The following CIDEA variants were observed in gnomAD, a reference collection of about 807,000 sequenced individuals.
CIDEA encodes lipid transferase CIDEA.
CIDEA carries 10 observed loss-of-function variants against 18.2 expected under a neutral mutation model. The observed-to-expected ratio is 0.55, with a 90% confidence interval of 0.34 to 0.93. CIDEA has a LOEUF of 0.93. Ranked by LOEUF, CIDEA falls within the 40% of genes least tolerant of loss-of-function variation. The pLI is 0.02. For synonymous variants in CIDEA, 128 were observed against 124.8 expected, an observed-to-expected ratio of 1.03 and a Z score of -0.17; for missense variants, 309 against 293.1, an observed-to-expected ratio of 1.05 and a Z score of -0.40.
At chr18:12,261,978 G>A (rs1198396451) in intron 1 of CIDEA, among the ~76,000 whole-genome samples, 1 of 151,668 alleles carries the variant, frequency 6.6e-6, no homozygotes, top group Non-Finnish European at 1.5e-5. Flanking sequence ...GACCAGCCTG[G>A]GCAACAAAGT....
chr18:12,264,278 T>C (rs1351528107), intron 2 of CIDEA, 29 bp from the exon 3 acceptor site: 2 of 1,540,906 alleles, frequency 1.3e-6, no homozygotes, highest in South Asian at 1.2e-5. Context: ...CTGGCTTCAC[T>C]CCATTTCTCT....
intron 2 of CIDEA, chr18:12,263,572 G>A (rs1198000066): frequency 6.6e-6 from 1 of 152,244 alleles, no homozygotes; most frequent in African/African-American, 2.4e-5. Flanking sequence ...GTCACTAATG[G>A]AGAATGTTGC....
chr18:12,273,908 TTG>T (rs1358770283), intron 3 of CIDEA, among the ~76,000 whole-genome samples, 183 bp from the exon 4 acceptor site: 1 of 152,190 alleles, frequency 6.6e-6, no homozygotes, highest in Non-Finnish European at 1.5e-5. Flanking sequence ...TCGTGGCTAA[TTG>T]GACACAGTCG....
intron 3 of CIDEA, among the ~76,000 whole-genome samples, chr18:12,266,230 C>CA (rs202133963): frequency 0.013 from 1,949 of 151,220 alleles, 38 homozygotes; most frequent in African/African-American, 0.045. Context: ...GACCCTATAT[C>CA]AAAAAAAACA....
intron 3 of CIDEA, among the ~76,000 whole-genome samples, chr18:12,264,671 A>T (rs1912297970): frequency 6.6e-6 from 1 of 151,634 alleles, no homozygotes; most frequent in African/African-American, 2.4e-5. Flanking sequence ...CTCCTGCCTC[A>T]GCCTCCGGAG....
At chr18:12,272,120 G>C (rs950098170) in intron 3 of CIDEA, among the ~76,000 whole-genome samples, 10 of 129,858 alleles carry the variant, frequency 7.7e-5, no homozygotes, top group African/African-American at 2.8e-4. Context: ...GAGAGAAAAC[G>C]GCCTCAGCCT....
At chr18:12,263,017 A>G (rs1475940187) in intron 2 of CIDEA, 48 bp downstream of exon 2, 1 of 1,593,466 alleles carries the variant, frequency 6.3e-7, no homozygotes, top group Non-Finnish European at 8.6e-7. Context: ...GGTGCCCTGC[A>G]CTCACACAGG....
chr18:12,259,099 C>T (rs1912118693), intron 1 of CIDEA, among the ~76,000 whole-genome samples: 3 of 152,198 alleles, frequency 2.0e-5, no homozygotes, highest in Admixed American at 6.5e-5. Context: ...GTCCTGGGGC[C>T]GCGTTGGTGC....
At chr18:12,262,739 A>G (rs1912226894) in intron 1 of CIDEA, 86 bp from the exon 2 acceptor site, 1 of 1,278,732 alleles carries the variant, frequency 7.8e-7, no homozygotes, top group African/African-American at 1.5e-5. Context: ...AGATGCAAAT[A>G]TTAAAAATGC....
At chr18:12,272,379 A>C (rs1211008047) in intron 3 of CIDEA, among the ~76,000 whole-genome samples, 2 of 151,906 alleles carry the variant, frequency 1.3e-5, no homozygotes, top group East Asian at 3.9e-4. Flanking sequence ...TGCCTGGCTA[A>C]TTTTTGTATT....
chr18:12,257,773 G>A (rs1482651772), intron 1 of CIDEA, among the ~76,000 whole-genome samples: 1 of 152,210 alleles, frequency 6.6e-6, no homozygotes, highest in African/African-American at 2.4e-5. Flanking sequence ...ACAGGAATTA[G>A]GAGCGGCAGT....
At chr18:12,264,640 G>A (rs567836188) in intron 3 of CIDEA, among the ~76,000 whole-genome samples, 187 bp downstream of exon 3, 3 of 151,388 alleles carry the variant, frequency 2.0e-5, no homozygotes, top group Non-Finnish European at 4.4e-5. Context: ...TGCAAGCTCC[G>A]CCTCCCGGGT....
rs1306745773 is a variant in CIDEA, at chr18:12,262,879, G to T, written c.93G>T (p.Met31Ile). The T allele has an allele frequency of 6.2e-7, 1 of 1,614,178 alleles. No individual in the cohort carries two copies. Among genetic ancestry groups the T allele is most frequent in the Admixed American group, 1.7e-5 (1 of 60,016 alleles). The change falls in exon 2 of 5, where the codon ATG (methionine) becomes ATT (isoleucine). Residue 31 changes from methionine (M) to isoleucine (I), a missense_variant. Transcript: ENST00000320477. ...AGCGAGTCCTGTTCACCCCGCTCAT[G>T]CATCCAGCTCGCCCTTTCCGGGTCT... ...QTKRVLFTPL[M>I]HPARPFRVSN...
At chr18:12,272,149 T>TGGGGGG (rs1376535544) in intron 3 of CIDEA, among the ~76,000 whole-genome samples, 5 of 7,488 alleles carry the variant, frequency 6.7e-4, no homozygotes, top group African/African-American at 2.0e-3. Flanking sequence ...AGTGTGTGTG[T>TGGGGGG]GGGGGGGGGG....
intron 1 of CIDEA, among the ~76,000 whole-genome samples, chr18:12,257,208 G>A (rs553898508): frequency 2.0e-5 from 3 of 152,184 alleles, no homozygotes; most frequent in African/African-American, 4.8e-5. Context: ...GACAGTGCTC[G>A]GTTGGCTTCT....
rs905582847 is a variant in CIDEA, at chr18:12,267,308, G to A, written c.330+2855G>A. ...AATCATGTACCCTTGCAGCACACAC[G>A]TGTGCCCAGCACATAGAAGTACTTC... is the stretch of plus-strand genomic sequence containing the variant. On this transcript the variant is annotated intron_variant, in intron 3 of 4. Coordinates refer to ENST00000320477, the MANE Select transcript of CIDEA (RefSeq NM_001279.4). Among the ~76,000 whole-genome samples, 8 of 152,348 alleles carry A rather than the reference G, an allele frequency of 5.3e-5. No individual in the cohort carries two copies. The South Asian group carries it at 1.4e-3, about 28-fold the overall frequency.
chr18:12,270,688 C>CAAAAAAAAA lies in CIDEA; in HGVS notation c.331-3385_331-3377dup, dbSNP rs68102741. Among the ~76,000 whole-genome samples, 330 of 72,796 alleles carry CAAAAAAAAA rather than the reference C, an allele frequency of 4.5e-3. 44 individuals carry two copies. The highest frequency in any genetic ancestry group is 0.021 in the African/African-American group (246 of 11,922). 47.8% of individuals were successfully genotyped at this position (72,796 alleles called of 152,430 possible). On this transcript the variant is annotated intron_variant, in intron 3 of 4. Coordinates refer to ENST00000320477, the MANE Select transcript of CIDEA (RefSeq NM_001279.4). ...GGCGACAGAGCAAGACTCCGTCTCA[C>CAAAAAAAAA]AAAAAAAAAAAAAAAAAAAAAAAAA...
intron 3 of CIDEA, 91 bp from the exon 4 acceptor site, chr18:12,274,000 CAT>C: frequency 7.3e-7 from 1 of 1,376,702 alleles, no homozygotes; most frequent in African/African-American, 1.4e-5. Flanking sequence ...TAAACAGACA[CAT>C]AGGAGAATCT....
chr18:12,275,128 G>C (rs972173567), intron 4 of CIDEA, among the ~76,000 whole-genome samples: 2 of 152,234 alleles, frequency 1.3e-5, no homozygotes, highest in African/African-American at 4.8e-5. Context: ...TTCGAGACCA[G>C]CCTAGCCAAC....
Sources: allele counts gnomAD v4.1 joint callset (sites outside exome capture counted in the v4.1 genomes callset), GRCh38; gene constraint gnomAD v4.1.1; transcripts MANE v1.5; gene names NCBI Gene and HGNC (gene_info 2026-07-23, HGNC 2026-07-21).